The following USP34 variants were observed in gnomAD, a reference collection of about 807,000 sequenced individuals.
USP34 encodes the protein ubiquitin specific peptidase 34, also known as ubiquitin carboxyl-terminal hydrolase 34.
Under a neutral mutation model 460.3 loss-of-function variants are expected in USP34, and 70 were observed. The ratio of observed to expected loss-of-function variants is 0.15; its 90% CI spans 0.13 to 0.19. The LOEUF (loss-of-function observed/expected upper bound fraction) is 0.19. Among genes scored for constraint, USP34 ranks in the 10% least tolerant of loss-of-function variants. The pLI is 1.00. For missense variants in USP34, 3,985 were observed against 4,236.2 expected (o/e 0.94, Z 1.65); for synonymous variants, 1,647 against 1,405.3 (o/e 1.17, Z -3.85).
chr2:61,436,549 A>C (rs1000663194), intron 1 of USP34, among the ~76,000 whole-genome samples: 3 of 152,208 alleles, frequency 2.0e-5, no homozygotes, highest in Non-Finnish European at 4.4e-5. Flanking sequence ...GAGGACCCAG[A>C]TATACAACAT....
rs1242317329 is a variant in USP34 at position 61,470,958 on chromosome 2, G to A, written c.-266C>T. The stretch of plus-strand genomic sequence containing the variant: ...CCGAGGCGCCGGCGGCGGGGAAGGG[G>A]GGGAAGGACGGGGGGAGGGGAGAGG... On this transcript the variant is annotated 5_prime_UTR_variant, in exon 1 of 80. Coordinates refer to ENST00000398571, the MANE Select transcript of USP34 (RefSeq NM_014709.4). Among the ~76,000 whole-genome samples the A allele has an allele frequency of 7.6e-6, 1 of 130,988 alleles. No homozygotes were observed. The highest frequency in any genetic ancestry group is 2.9e-4 in the East Asian group (1 of 3,490). 85.9% of individuals were successfully genotyped at this position (130,988 alleles called of 152,430 possible). A position where few individuals can be genotyped will look rare whatever the true frequency, so the allele number is the denominator to read the frequency against.
rs768407941 is a variant in USP34 at position 61,343,874 on chromosome 2, G to C, written c.2441C>G (p.Ser814Cys). ...ATTGGGAAGATGTTGTTGGAGGTGAGATGTCAGTTCCGCATGTGAATTAAT... is the reference window on the plus strand; with the variant it reads ...ATTGGGAAGATGTTGTTGGAGGTGACATGTCAGTTCCGCATGTGAATTAAT... ...VQINSHAELT[S>C]HLQQHLPNLA... The change falls in exon 16 of 80, where the codon TCT (serine) becomes TGT (cysteine). Residue 814 changes from serine (S) to cysteine (C), a missense_variant. Physicochemically the swap from Ser to Cys is moderately radical, Grantham distance 112. This residue lies in a region of USP34 where 716 missense variants were observed against 626.2 expected (regional missense o/e 1.14). Coordinates refer to ENST00000398571, the MANE Select transcript of USP34 (RefSeq NM_014709.4). 2.6e-5 allele frequency: 42 copies of C among 1,613,902 alleles called. No individual in the cohort carries two copies. The highest frequency in any genetic ancestry group is 3.3e-5 in the Non-Finnish European group (39 of 1,179,954).
intron 1 of USP34, among the ~76,000 whole-genome samples, chr2:61,450,176 G>A (rs969148781): frequency 6.6e-6 from 1 of 152,102 alleles, no homozygotes; most frequent in Non-Finnish European, 1.5e-5. Context: ...AGTGAAAGTA[G>A]GCAGTCACAA....
chr2:61,310,560 T>C (rs976399777), intron 27 of USP34, among the ~76,000 whole-genome samples: 2 of 151,064 alleles, frequency 1.3e-5, no homozygotes, highest in African/African-American at 4.9e-5. Context: ...CACATATATA[T>C]GTATATATAT....
At chr2:61,203,371 C>A in intron 74 of USP34, 108 bp from the exon 75 acceptor site, 1 of 1,086,370 alleles carries the variant, frequency 9.2e-7, no homozygotes, top group South Asian at 3.8e-5. Flanking sequence ...TATTTATATT[C>A]TATAAGAACC....
intron 1 of USP34, among the ~76,000 whole-genome samples, chr2:61,426,590 A>C (rs1299537970): frequency 6.6e-6 from 1 of 152,182 alleles, no homozygotes; most frequent in African/African-American, 2.4e-5. Context: ...CTAGTATCTT[A>C]ACTCCCAGAC....
chr2:61,293,791 G>A (rs932032538), intron 32 of USP34, among the ~76,000 whole-genome samples: 2 of 152,132 alleles, frequency 1.3e-5, no homozygotes, highest in South Asian at 4.1e-4. Context: ...AAAGCCAGAC[G>A]ATGGCTTGAG....
chr2:61,427,545 G>A (rs1485911733), intron 1 of USP34, among the ~76,000 whole-genome samples: 2 of 152,252 alleles, frequency 1.3e-5, no homozygotes, highest in African/African-American at 2.4e-5. Context: ...TTTCAGATAA[G>A]GAATTCAAAA....
intron 3 of USP34, among the ~76,000 whole-genome samples, chr2:61,402,366 A>G (rs941954633): frequency 6.6e-6 from 1 of 152,168 alleles, no homozygotes; most frequent in Admixed American, 6.6e-5. Context: ...ACCTTTTAAA[A>G]TATCAGCTTT....
At chr2:61,222,503 T>C (rs1687616299) in intron 65 of USP34, 116 bp downstream of exon 65, 1 of 725,510 alleles carries the variant, frequency 1.4e-6, no homozygotes, top group African/African-American at 1.8e-5. Context: ...AAATAGGTTA[T>C]TATGTTATGG....
intron 3 of USP34, among the ~76,000 whole-genome samples, chr2:61,403,469 T>C (rs1693779568): frequency 2.0e-5 from 3 of 152,144 alleles, no homozygotes; most frequent in Non-Finnish European, 2.9e-5. Flanking sequence ...ACTATGTAGA[T>C]GGTGTTTATG....
intron 19 of USP34, among the ~76,000 whole-genome samples, chr2:61,332,485 G>A (rs892122766): frequency 6.6e-6 from 1 of 151,866 alleles, no homozygotes. Context: ...ATTTAGGTTC[G>A]GGTACTTGAT....
At chr2:61,336,809 C>CAAA (rs10593128) in intron 18 of USP34, among the ~76,000 whole-genome samples, 18 of 64,996 alleles carry the variant, frequency 2.8e-4, no homozygotes, top group Admixed American at 5.9e-4. Flanking sequence ...GACTCCATCT[C>CAAA]AAAAAAAAAA....
chr2:61,262,130 T>TATAGAGATAG (rs1553359529), intron 43 of USP34, among the ~76,000 whole-genome samples: 7 of 113,714 alleles, frequency 6.2e-5, no homozygotes, highest in African/African-American at 2.4e-4. Flanking sequence ...TATATATATA[T>TATAGAGATAG]ATAGATAGAT....
chr2:61,235,215 A>AT (rs1271155353), intron 57 of USP34, among the ~76,000 whole-genome samples: 1 of 152,078 alleles, frequency 6.6e-6, no homozygotes, highest in Admixed American at 6.6e-5. Flanking sequence ...AATATATAAA[A>AT]TTTTTGTCAT....
intron 10 of USP34, among the ~76,000 whole-genome samples, chr2:61,364,333 C>G (rs1429544750): frequency 6.6e-6 from 1 of 152,126 alleles, no homozygotes; most frequent in Non-Finnish European, 1.5e-5. Context: ...GCTGCTGCAT[C>G]CAGCCCAAGT....
chr2:61,384,299 G>A (rs913765382), intron 5 of USP34, among the ~76,000 whole-genome samples: 1 of 152,064 alleles, frequency 6.6e-6, no homozygotes, highest in Non-Finnish European at 1.5e-5. Context: ...TTCAAAAATA[G>A]TAAGAATAAA....
intron 3 of USP34, 104 bp downstream of exon 3, chr2:61,405,604 G>T: frequency 9.2e-7 from 1 of 1,081,604 alleles, no homozygotes; most frequent in Non-Finnish European, 1.3e-6. Context: ...TGACAATAAT[G>T]ATTTTCCGCC....
intron 58 of USP34, 27 bp downstream of exon 58, chr2:61,232,425 A>T (rs747932516): frequency 6.5e-7 from 1 of 1,548,760 alleles, no homozygotes. Context: ...TTTCCAAATA[A>T]TTTTTTTCAA....
Sources: gnomAD v4.1 joint callset for allele counts (sites outside exome capture counted in the v4.1 genomes callset) on GRCh38, gnomAD v4.1.1 for gene constraint, gnomAD v4.1.1 regional missense constraint, MANE v1.5 for transcripts, NCBI Gene and HGNC (gene_info 2026-07-23, HGNC 2026-07-21) for gene names.